NRG4: variants seen among roughly 807,000 people sequenced by gnomAD.
The protein encoded by NRG4 is neuregulin 4, also known as pro-neuregulin-4, membrane-bound isoform.
NRG4 carries 10 observed loss-of-function variants against 15.0 expected under a neutral mutation model. That is an observed-to-expected ratio of 0.67 (90% confidence interval 0.41 to 1.13). The LOEUF (loss-of-function observed/expected upper bound fraction) is 1.13, where lower values mean the gene tolerates loss of function less well. NRG4 is among the 50% of genes most tolerant of loss of function. The pLI, the probability that NRG4 is intolerant of heterozygous loss-of-function variation, is 0.00. For synonymous variants in NRG4, 41 were observed against 50.1 expected, an observed-to-expected ratio of 0.82 and a Z score of 0.77; for missense variants, 139 against 140.2, an observed-to-expected ratio of 0.99 and a Z score of 0.04.
rs770610500 is a variant in NRG4 at position 76,009,241 on chromosome 15, C to T, written c.63G>A (p.Gly21=). ...PSHKSFCLNG[G]LCYVIPTIPS... ...GAATAGTAGGTATCACATAACAAAGCCCCCCATTCAGGCAAAACGACTTGT... is the reference window on the plus strand; with the variant it reads ...GAATAGTAGGTATCACATAACAAAGTCCCCCATTCAGGCAAAACGACTTGT... Residue 21 remains glycine (G), a synonymous_variant, in exon 3 of 6, where the codon GGG becomes GGA. Transcript: ENST00000394907. 6.2e-7 allele frequency: 1 copy of T among 1,603,814 alleles called. No individual in the cohort carries two copies. Among genetic ancestry groups the T allele is most frequent in the South Asian group, 1.1e-5 (1 of 90,460 alleles).
chr15:75,976,383 C>A (rs910903447), intron 3 of NRG4, among the ~76,000 whole-genome samples: 13 of 152,310 alleles, frequency 8.5e-5, no homozygotes, highest in Admixed American at 3.9e-4. Flanking sequence ...CCCTTGCTGG[C>A]AGGGAGTTGT....
At chr15:75,986,153 A>G (rs1165281335) in intron 3 of NRG4, among the ~76,000 whole-genome samples, 2 of 152,154 alleles carry the variant, frequency 1.3e-5, no homozygotes, top group Non-Finnish European at 2.9e-5. Context: ...AAAACCCCAA[A>G]TCAGATAACG....
At chr15:75,995,969 G>A (rs956324512) in intron 3 of NRG4, among the ~76,000 whole-genome samples, 1 of 152,144 alleles carries the variant, frequency 6.6e-6, no homozygotes, top group African/African-American at 2.4e-5. Context: ...CTAATTACAG[G>A]TAGACTTTCA....
chr15:75,993,726 A>T (rs2034114419), intron 3 of NRG4, among the ~76,000 whole-genome samples: 1 of 152,120 alleles, frequency 6.6e-6, no homozygotes, highest in Non-Finnish European at 1.5e-5. Flanking sequence ...TTTTTCATAC[A>T]GATATTTTCA....
chr15:75,997,919 G>T (rs2034273448), intron 3 of NRG4, among the ~76,000 whole-genome samples: 1 of 152,120 alleles, frequency 6.6e-6, no homozygotes. Context: ...TGTATGTGAG[G>T]CTCAAACACA....
chr15:76,020,127 G>C (rs1472204753), intron 5 of NRG4, among the ~76,000 whole-genome samples: 1 of 152,172 alleles, frequency 6.6e-6, no homozygotes, highest in Admixed American at 6.5e-5. Context: ...GACTGTGTAA[G>C]ATAGAGAACT....
intron 3 of NRG4, among the ~76,000 whole-genome samples, chr15:75,974,678 T>C (rs1159457171): frequency 6.6e-6 from 1 of 152,218 alleles, no homozygotes; most frequent in Admixed American, 6.5e-5. Flanking sequence ...TTGAGTGAGT[T>C]TCTTAATCCT....
intron 5 of NRG4, among the ~76,000 whole-genome samples, chr15:76,023,801 G>C (rs1461619212): frequency 6.6e-6 from 1 of 152,176 alleles, no homozygotes; most frequent in African/African-American, 2.4e-5. Flanking sequence ...TACACAGCAG[G>C]GAAACCAATT....
chr15:76,014,536 G>C (rs1442397585), upstream of NRG4, among the ~76,000 whole-genome samples: 22 of 152,102 alleles, frequency 1.4e-4, no homozygotes. Flanking sequence ...TGTAAGGAAG[G>C]GGTCCAGTTT....
chr15:76,054,401 TTTTTG>T (rs758115728), intron 2 of NRG4, among the ~76,000 whole-genome samples: 6 of 152,026 alleles, frequency 3.9e-5, no homozygotes, highest in South Asian at 2.1e-4. Flanking sequence ...AGAGGGATCA[TTTTTG>T]TTTTGTTTTG....
At chr15:76,042,914 A>T (rs919497876) in intron 4 of NRG4, among the ~76,000 whole-genome samples, 9 of 152,150 alleles carry the variant, frequency 5.9e-5, no homozygotes, top group African/African-American at 2.2e-4. Flanking sequence ...TCAACACAAT[A>T]CTAGCAAACC....
chr15:76,035,146 C>A (rs1324099999), intron 5 of NRG4, among the ~76,000 whole-genome samples: 1 of 152,214 alleles, frequency 6.6e-6, no homozygotes, highest in African/African-American at 2.4e-5. Context: ...GCCCCAGTCT[C>A]TTTCTGTCCA....
At chr15:75,990,791 T>G (rs2033984888) in intron 3 of NRG4, among the ~76,000 whole-genome samples, 1 of 150,284 alleles carries the variant, frequency 6.7e-6, no homozygotes, top group Non-Finnish European at 1.5e-5. Context: ...CAAGTGATCC[T>G]CCCACTTCAG....
intron 3 of NRG4, chr15:75,969,319 A>C (rs1484669416): frequency 2.4e-6 from 1 of 414,578 alleles, no homozygotes; most frequent in Non-Finnish European, 5.0e-6. Context: ...TACTGATGAC[A>C]TAATGGAGTA....
At chr15:75,945,334 A>G (rs2031430459) in intron 5 of NRG4, among the ~76,000 whole-genome samples, 2 of 151,120 alleles carry the variant, frequency 1.3e-5, no homozygotes, top group Non-Finnish European at 1.5e-5. Context: ...GCTCACTGCA[A>G]CCTCCGCTCG....
At chr15:75,959,089 T>G (rs756040836) in intron 4 of NRG4, 1 of 378,190 alleles carries the variant, frequency 2.6e-6, no homozygotes, top group South Asian at 2.0e-5. Flanking sequence ...TCAAGCGATC[T>G]TCCCATCTCA....
At chr15:76,045,424 A>G (rs2035847500) in intron 4 of NRG4, among the ~76,000 whole-genome samples, 1 of 151,024 alleles carries the variant, frequency 6.6e-6, no homozygotes, top group Non-Finnish European at 1.5e-5. Context: ...GCACTCTGAG[A>G]TATACACCCA....
At chr15:76,040,722 C>G (rs549228129) in intron 4 of NRG4, among the ~76,000 whole-genome samples, 1 of 152,074 alleles carries the variant, frequency 6.6e-6, no homozygotes, top group African/African-American at 2.4e-5. Context: ...GTCAGGAGTT[C>G]GAGACCAGCC....
intron 3 of NRG4, among the ~76,000 whole-genome samples, chr15:75,972,317 G>A (rs1484265700): frequency 6.6e-6 from 1 of 152,108 alleles, no homozygotes; most frequent in Admixed American, 6.5e-5. Context: ...CATTCTGTAG[G>A]TTGCCTGTTC....
Sources: allele counts gnomAD v4.1 joint callset (sites outside exome capture counted in the v4.1 genomes callset), GRCh38; gene constraint gnomAD v4.1.1; transcripts MANE v1.5; gene names NCBI Gene and HGNC (gene_info 2026-07-23, HGNC 2026-07-21).